The following PPP1R1C variants were observed in gnomAD, a reference collection of about 807,000 sequenced individuals.
PPP1R1C encodes protein phosphatase 1 regulatory inhibitor subunit 1C.
A neutral mutation model predicts 17.4 loss-of-function variants in PPP1R1C; 15 were observed. The ratio of observed to expected loss-of-function variants is 0.86; its 90% CI spans 0.58 to 1.33. The LOEUF is 1.33. Among genes scored for constraint, PPP1R1C ranks in the 40% most tolerant of loss-of-function variants. The pLI is 0.00. For missense variants in PPP1R1C, 143 were observed against 130.0 expected, an observed-to-expected ratio of 1.10 and a Z score of -0.48; for synonymous variants, 35 against 43.1, an observed-to-expected ratio of 0.81 and a Z score of 0.73.
At chr2:182,122,342 TTA>T (rs1689753944), downstream of PPP1R1C, among the ~76,000 whole-genome samples, 1 of 152,186 alleles carries the variant, frequency 6.6e-6, no homozygotes, top group Non-Finnish European at 1.5e-5. Flanking sequence ...ATCCTTTTTT[TTA>T]TAGTTACAAA....
At chr2:182,035,207 G>A (rs1040164) in intron 2 of PPP1R1C, among the ~76,000 whole-genome samples, 11,336 of 152,148 alleles carry the variant, frequency 0.075, 631 homozygotes, top group East Asian at 0.19. Flanking sequence ...ATAGAGTGCC[G>A]AATTCACAGT....
At chr2:182,089,184 A>C (rs946047045) in intron 4 of PPP1R1C, among the ~76,000 whole-genome samples, 2 of 152,248 alleles carry the variant, frequency 1.3e-5, no homozygotes, top group African/African-American at 4.8e-5. Context: ...CAATTCTGAA[A>C]TAGATCCCAG....
At chr2:182,112,598 A>G (rs1045401732) in intron 4 of PPP1R1C, among the ~76,000 whole-genome samples, 3 of 152,214 alleles carry the variant, frequency 2.0e-5, no homozygotes, top group Non-Finnish European at 4.4e-5. Context: ...TTTGTGTCCC[A>G]GCTCAGCCAA....
intron 4 of PPP1R1C, among the ~76,000 whole-genome samples, chr2:182,072,998 C>T (rs978223714): frequency 7.9e-5 from 12 of 152,232 alleles, no homozygotes; most frequent in Non-Finnish European, 1.5e-4. Flanking sequence ...TCACTCCTGT[C>T]CTGCCTTGCC....
chr2:182,034,538 T>C (rs1686943966), intron 2 of PPP1R1C, among the ~76,000 whole-genome samples: 1 of 152,116 alleles, frequency 6.6e-6, no homozygotes, highest in African/African-American at 2.4e-5. Context: ...ACATGACACA[T>C]TGATGTTTTT....
intron 1 of PPP1R1C, among the ~76,000 whole-genome samples, chr2:181,964,412 G>C (rs1345837604): frequency 6.6e-6 from 1 of 152,170 alleles, no homozygotes; most frequent in African/African-American, 2.4e-5. Flanking sequence ...ATTATGAATA[G>C]TGCTACAATA....
intron 2 of PPP1R1C, among the ~76,000 whole-genome samples, chr2:182,045,687 T>C (rs1687322107): frequency 6.6e-6 from 1 of 152,144 alleles, no homozygotes; most frequent in Admixed American, 6.5e-5. Flanking sequence ...CTCATAATAG[T>C]GATACTCAGA....
chr2:182,041,115 G>A (rs1382233028), intron 2 of PPP1R1C, among the ~76,000 whole-genome samples: 1 of 152,052 alleles, frequency 6.6e-6, no homozygotes, highest in Non-Finnish European at 1.5e-5. Context: ...TTTTGCATAG[G>A]ATTGCTTTGC....
intron 2 of PPP1R1C, among the ~76,000 whole-genome samples, chr2:181,980,390 G>T (rs917092557): frequency 6.6e-6 from 1 of 152,136 alleles, no homozygotes; most frequent in African/African-American, 2.4e-5. Context: ...TCTTCCTCAC[G>T]TTATTCCTGT....
In PPP1R1C at chr2:181,961,324, T is replaced by A. The variant is rs78370522; in HGVS notation, n.111+6690T>A. 9.6e-6 allele frequency: 7 copies of A among 729,832 alleles called. No individual in the cohort carries two copies. In the South Asian group the frequency reaches 1.0e-4, roughly 10 times the overall value. 45.2% of individuals were successfully genotyped at this position (729,832 alleles called of 1,614,324 possible). A position where few individuals can be genotyped will look rare whatever the true frequency, so the allele number is the denominator to read the frequency against. Reference sequence around the variant, plus strand: ...GGCATCACCAAGATTGAAGTCATCATCATCAAGCAGGCGGTGGTAGGTGGC... The same window carrying A: ...GGCATCACCAAGATTGAAGTCATCAACATCAAGCAGGCGGTGGTAGGTGGC... On this transcript the variant is annotated intron_variant and non_coding_transcript_variant, in intron 1 of 5. Transcript: ENST00000464264. The surrounding 1 kb of genome is among the most constrained non-coding windows in gnomAD (Gnocchi z 5.8).
In PPP1R1C at chr2:181,962,487, G is replaced by A. The variant is rs1213457892; in HGVS notation, n.111+7853G>A. 8.7e-6 allele frequency: 6 copies of A among 688,782 alleles called. No homozygotes were observed. The highest frequency in any genetic ancestry group is 1.8e-5 in the African/African-American group (1 of 56,220). 42.7% of individuals were successfully genotyped at this position (688,782 alleles called of 1,614,324 possible). On this transcript the variant is annotated intron_variant and non_coding_transcript_variant, in intron 1 of 5. Coordinates refer to the PPP1R1C transcript ENST00000464264. This position sits in a 1 kb window ranked among gnomAD's most constrained non-coding sequence, Gnocchi z 6.0. ...CGAGTGGTGAAGCTCATGCTATCCA[G>A]GGAGGAGAGTGAGAGGACAGGACTC...
intron 2 of PPP1R1C, among the ~76,000 whole-genome samples, chr2:182,047,816 A>G (rs1687389753): frequency 6.6e-6 from 1 of 152,222 alleles, no homozygotes; most frequent in East Asian, 1.9e-4. Flanking sequence ...TGTGCTTGGA[A>G]GTGGCAGCAG....
At chr2:182,129,884 T>C (rs1559105206) in exon 6 of PPP1R1C, 1 of 152,166 alleles carries the variant, frequency 6.6e-6, no homozygotes, top group Non-Finnish European at 1.5e-5. Context: ...CTTTTGCTAA[T>C]GAGGCTAAGC....
chr2:182,037,049 G>T (rs777120982), intron 2 of PPP1R1C, among the ~76,000 whole-genome samples: 3 of 152,160 alleles, frequency 2.0e-5, no homozygotes, highest in Non-Finnish European at 2.9e-5. Context: ...ACGGATTGAG[G>T]CTTGAAAATA....
intron 2 of PPP1R1C, among the ~76,000 whole-genome samples, chr2:182,019,299 G>T (rs1686347805): frequency 1.3e-5 from 2 of 152,252 alleles, no homozygotes; most frequent in South Asian, 4.1e-4. Context: ...GGGCCCTCCA[G>T]CCCCATGCAA....
intron 2 of PPP1R1C, among the ~76,000 whole-genome samples, chr2:182,012,073 G>C (rs1346658778): frequency 6.6e-6 from 1 of 152,036 alleles, no homozygotes; most frequent in African/African-American, 2.4e-5. Flanking sequence ...CTGCTGAGAA[G>C]AAGAAGGTGT....
chr2:182,014,498 A>G (rs1018251339), intron 2 of PPP1R1C, among the ~76,000 whole-genome samples: 1 of 151,902 alleles, frequency 6.6e-6, no homozygotes, highest in Non-Finnish European at 1.5e-5. Flanking sequence ...GACCCAAGCC[A>G]GCACAGCACC....
chr2:182,054,764 G>C (rs553099173), intron 2 of PPP1R1C, among the ~76,000 whole-genome samples: 1 of 152,070 alleles, frequency 6.6e-6, no homozygotes, highest in Non-Finnish European at 1.5e-5. Flanking sequence ...GGGTTCAAGT[G>C]ACTGTCCTGC....
chr2:182,003,746 C>T (rs1685838230), intron 2 of PPP1R1C, among the ~76,000 whole-genome samples: 2 of 151,618 alleles, frequency 1.3e-5, no homozygotes, highest in Non-Finnish European at 2.9e-5. Flanking sequence ...ACCATTTGGA[C>T]TTTGCACAAA....
Sources: gnomAD v4.1 joint callset for allele counts (sites outside exome capture counted in the v4.1 genomes callset) on GRCh38, gnomAD v4.1.1 for gene constraint, Gnocchi (gnomAD v3.1) non-coding constraint, MANE v1.5 for transcripts, NCBI Gene and HGNC (gene_info 2026-07-23, HGNC 2026-07-21) for gene names.